Variants in ADGRL2 observed in about 807,000 individuals in gnomAD.
ADGRL2 encodes adhesion G protein-coupled receptor L2.
ADGRL2 carries 44 observed loss-of-function variants against 157.4 expected under a neutral mutation model. That is an observed-to-expected ratio of 0.28 (90% CI 0.22 to 0.36). The LOEUF is 0.36. Among genes scored for constraint, ADGRL2 ranks in the 10% least tolerant of loss-of-function variants. The pLI is 1.00. For missense variants in ADGRL2, 1,510 were observed against 1,768.9 expected (o/e 0.85, Z 2.63); for synonymous variants, 585 against 624.7 (o/e 0.94, Z 0.95).
chr1:81,960,466 T>C (rs1191881006), intron 11 of ADGRL2, among the ~76,000 whole-genome samples: 2 of 151,928 alleles, frequency 1.3e-5, no homozygotes, highest in Non-Finnish European at 2.9e-5. Flanking sequence ...TTATTTATTG[T>C]CTTTTTTTTT....
chr1:81,313,459 G>A (rs548211213), intron 1 of ADGRL2, among the ~76,000 whole-genome samples: 5 of 152,292 alleles, frequency 3.3e-5, no homozygotes, highest in East Asian at 3.9e-4. Context: ...ACCAGCACGT[G>A]TTAATTTCTA....
intron 1 of ADGRL2, among the ~76,000 whole-genome samples, chr1:81,405,589 G>A (rs1276622484): frequency 2.7e-5 from 4 of 147,376 alleles, no homozygotes; most frequent in African/African-American, 1.0e-4. Flanking sequence ...GGCAGAGGCT[G>A]CAGTGAGTTG....
intron 3 of ADGRL2, among the ~76,000 whole-genome samples, chr1:81,909,791 A>T (rs570072976): frequency 1.3e-5 from 2 of 152,188 alleles, no homozygotes; most frequent in African/African-American, 4.8e-5. Context: ...TTTCTTTAAA[A>T]TTTAGATGTA....
At chr1:81,802,242 G>C (rs1034871567) in intron 1 of ADGRL2, among the ~76,000 whole-genome samples, 3 of 152,096 alleles carry the variant, frequency 2.0e-5, no homozygotes, top group Non-Finnish European at 4.4e-5. Flanking sequence ...AAGAGCCGCA[G>C]GAGCGAACAA....
chr1:81,535,074 A>T (rs1202804587), intron 2 of ADGRL2, among the ~76,000 whole-genome samples: 2 of 152,148 alleles, frequency 1.3e-5, no homozygotes, highest in African/African-American at 4.8e-5. Context: ...TATGTGATTT[A>T]AAATAGCTGC....
chr1:81,381,707 C>A (rs2076348248), intron 1 of ADGRL2, among the ~76,000 whole-genome samples: 1 of 152,040 alleles, frequency 6.6e-6, no homozygotes, highest in Non-Finnish European at 1.5e-5. Context: ...TACATTGATT[C>A]GCCATTTTTG....
chr1:81,379,078 C>A (rs928021146), intron 1 of ADGRL2, among the ~76,000 whole-genome samples: 2 of 152,166 alleles, frequency 1.3e-5, no homozygotes, highest in Non-Finnish European at 2.9e-5. Context: ...CTAGGCTCCT[C>A]ATTCTCTACC....
intron 2 of ADGRL2, among the ~76,000 whole-genome samples, chr1:81,493,638 T>A (rs2078677257): frequency 6.6e-6 from 1 of 152,182 alleles, no homozygotes; most frequent in African/African-American, 2.4e-5. Context: ...AGTGAAGTAA[T>A]TTCTATTTAA....
chr1:81,832,881 G>A (rs997464315), intron 1 of ADGRL2, among the ~76,000 whole-genome samples: 1 of 152,190 alleles, frequency 6.6e-6, no homozygotes, highest in Non-Finnish European at 1.5e-5. Context: ...GTTCTCTGAT[G>A]TTAAGAAGGG....
At chr1:81,701,353 A>G (rs1204468720) in intron 1 of ADGRL2, among the ~76,000 whole-genome samples, 1 of 152,200 alleles carries the variant, frequency 6.6e-6, no homozygotes, top group African/African-American at 2.4e-5. Flanking sequence ...TAGTGAAACT[A>G]TATTCAAACA....
intron 5 of ADGRL2, among the ~76,000 whole-genome samples, 200 bp downstream of exon 5, chr1:81,942,245 C>T (rs750856370): frequency 2.0e-5 from 3 of 151,750 alleles, no homozygotes; most frequent in Admixed American, 6.6e-5. Flanking sequence ...ATTCTGAAGT[C>T]GGCGAGGGGG....
At chr1:81,709,452 G>T (rs965462870) in intron 1 of ADGRL2, among the ~76,000 whole-genome samples, 1 of 152,080 alleles carries the variant, frequency 6.6e-6, no homozygotes. Context: ...TGTTTCCCAT[G>T]TACAGAGTTA....
chr1:81,691,869 T>G (rs1023611392), intron 3 of ADGRL2, among the ~76,000 whole-genome samples: 6 of 99,444 alleles, frequency 6.0e-5, no homozygotes, highest in East Asian at 4.5e-4. Context: ...TATATATGGG[T>G]GTGTGTGTGT....
intron 3 of ADGRL2, among the ~76,000 whole-genome samples, chr1:81,926,247 C>A (rs1259835981): frequency 6.6e-6 from 1 of 151,958 alleles, no homozygotes. Flanking sequence ...GCATGTACAA[C>A]AATTCTCATA....
chr1:81,929,620 A>G (rs1453268455), intron 3 of ADGRL2, among the ~76,000 whole-genome samples: 2 of 152,184 alleles, frequency 1.3e-5, no homozygotes, highest in Admixed American at 6.5e-5. Flanking sequence ...AGTAAAAGCA[A>G]TTTGTTGGGC....
chr1:81,875,474 A>G (rs745663412), intron 2 of ADGRL2, among the ~76,000 whole-genome samples: 2 of 152,152 alleles, frequency 1.3e-5, no homozygotes, highest in Non-Finnish European at 2.9e-5. Flanking sequence ...TGAGTATGTT[A>G]TGTTCTATTA....
chr1:81,830,919 G>C (rs1188120829), intron 1 of ADGRL2, among the ~76,000 whole-genome samples: 1 of 152,068 alleles, frequency 6.6e-6, no homozygotes, highest in Non-Finnish European at 1.5e-5. Context: ...ACAGATCCTG[G>C]GTCATTATTA....
intron 1 of ADGRL2, among the ~76,000 whole-genome samples, chr1:81,384,497 T>C (rs189056427): frequency 4.6e-5 from 7 of 152,336 alleles, no homozygotes; most frequent in African/African-American, 1.7e-4. Context: ...TCTACTTTTC[T>C]CTTTGTGCTT....
chr1:81,967,175 C>T (rs764370959), intron 13 of ADGRL2, among the ~76,000 whole-genome samples: 16 of 152,020 alleles, frequency 1.1e-4, no homozygotes, highest in South Asian at 6.2e-4. Context: ...GAATAAATGC[C>T]CACAGATAAA....
Sources: allele counts gnomAD v4.1 joint callset (sites outside exome capture counted in the v4.1 genomes callset), GRCh38; gene constraint gnomAD v4.1.1; transcripts MANE v1.5; gene names NCBI Gene and HGNC (gene_info 2026-07-23, HGNC 2026-07-21).